CD109: variants seen among roughly 807,000 people sequenced by gnomAD.
CD109 encodes CD109 antigen.
In CD109, 149 loss-of-function variants were observed where a neutral mutation model predicts 165.8. The observed-to-expected ratio is 0.90, with a 90% CI of 0.79 to 1.03. The LOEUF is 1.03. CD109 is among the 50% of genes least tolerant of loss of function. CD109 has a pLI of 0.00. For synonymous variants in CD109, 585 were observed against 592.1 expected (o/e 0.99, Z 0.18); for missense variants, 1,712 against 1,677.8 (o/e 1.02, Z -0.36).
At position 73,772,649 on chromosome 6, in the gene CD109, C is replaced by A. The variant is rs1466045839; in HGVS notation, c.1827+1068C>A. ...ACATCTAGCATTGCATAAATGAATC[C>A]CATATTCATTAGTCATTTGATTTTT... On this transcript the variant is annotated intron_variant, in intron 15 of 32. Coordinates refer to ENST00000287097, the MANE Select transcript of CD109 (RefSeq NM_133493.5). 2.0e-5 allele frequency among the ~76,000 whole-genome samples: 3 copies of A among 151,788 alleles called. No homozygotes were observed. The East Asian group carries it at 5.8e-4, about 29-fold the overall frequency.
At chr6:73,714,933 C>T (rs1484110150) in intron 2 of CD109, among the ~76,000 whole-genome samples, 1 of 152,172 alleles carries the variant, frequency 6.6e-6, no homozygotes, top group Non-Finnish European at 1.5e-5. Flanking sequence ...GGAACTTTTA[C>T]TATAATCAAA....
intron 4 of CD109, among the ~76,000 whole-genome samples, chr6:73,734,141 G>A (rs973914233): frequency 6.6e-6 from 1 of 152,128 alleles, no homozygotes; most frequent in Non-Finnish European, 1.5e-5. Context: ...GTAGACTTCT[G>A]GTGTTTCTGC....
At chr6:73,679,231 G>A in the CD109 span, among the ~76,000 whole-genome samples, 1 of 152,266 alleles carries the variant, frequency 6.6e-6, no homozygotes, top group East Asian at 1.9e-4. Context: ...TGTGAACAAC[G>A]CAGGCTCAGG....
At chr6:73,742,613 G>A (rs1772835118) in intron 5 of CD109, among the ~76,000 whole-genome samples, 2 of 152,226 alleles carry the variant, frequency 1.3e-5, no homozygotes, top group Admixed American at 1.3e-4. Flanking sequence ...GAGCCCGAAA[G>A]AAGAGCCTGA....
rs80067851 is a variant in CD109 at position 73,734,530 on chromosome 6, C to T, written c.508-1853C>T. Reference sequence around the variant, plus strand: ...TCCTGAGCCTTTGAACTTCATAGCCCTCCCATGCGTCATGCTGTGGCAGGC... The same window carrying T: ...TCCTGAGCCTTTGAACTTCATAGCCTTCCCATGCGTCATGCTGTGGCAGGC... On this transcript the variant is annotated intron_variant, in intron 4 of 32. Coordinates refer to ENST00000287097, the MANE Select transcript of CD109 (RefSeq NM_133493.5). Among the ~76,000 whole-genome samples the T allele has an allele frequency of 8.3e-3, 1,260 of 152,312 alleles. 23 individuals carry two copies. Among genetic ancestry groups the T allele is most frequent in the African/African-American group, 0.029 (1,194 of 41,562 alleles).
In CD109 at chr6:73,788,524, T is replaced by G; in HGVS notation, c.2613T>G (p.Asn871Lys). The part of the protein sequence containing the change: ...SQSILLDLTD[N>K]RLQSTLKTLS... ...CCATCTTATTAGACTTGACTGACAA[T>G]AGGCTACAGAGTACCCTGAAAACTT... is the stretch of plus-strand genomic sequence containing the variant. Residue 871 changes from asparagine (N) to lysine (K), a missense_variant, in exon 22 of 33, where the codon AAT becomes AAG. Physicochemically the swap from Asn to Lys is moderately conservative, Grantham distance 94 (BLOSUM62 0). Transcript: ENST00000287097. The G allele has an allele frequency of 6.2e-7, 1 of 1,611,604 alleles. No individual in the cohort carries two copies. The highest frequency in any genetic ancestry group is 1.1e-5 in the South Asian group (1 of 90,562).
intron 3 of CD109, among the ~76,000 whole-genome samples, chr6:73,727,127 C>T (rs1369176480): frequency 6.6e-6 from 1 of 152,158 alleles, no homozygotes; most frequent in Non-Finnish European, 1.5e-5. Context: ...GGTTATAACC[C>T]ACTCCAGATC....
At position 73,811,140 on chromosome 6, in the gene CD109, C is replaced by T. The variant is rs61754903; in HGVS notation, c.3695C>T (p.Thr1232Ile). ...ACACACAACCGCTTACTCCTTCAGA[C>T]AGCAGAGGTGTGGGCAAGGGGCAGT... ...IDTHNRLLLQTAELAVVQPTA... is the reference protein window; with the variant it reads ...IDTHNRLLLQIAELAVVQPTA... Residue 1232 changes from threonine (T) to isoleucine (I), a missense_variant, in exon 28 of 33, where the codon ACA becomes ATA. By Grantham distance (89) the Thr-to-Ile change is moderately conservative. Coordinates refer to ENST00000287097, the MANE Select transcript of CD109 (RefSeq NM_133493.5). The T allele has an allele frequency of 4.4e-3, 7,053 of 1,612,526 alleles. 287 individuals are homozygous for T. In the African/African-American group the frequency reaches 0.082, roughly 19 times the overall value.
chr6:73,799,235 GATA>G (rs1342669020), intron 23 of CD109, among the ~76,000 whole-genome samples: 4 of 152,146 alleles, frequency 2.6e-5, no homozygotes, highest in Non-Finnish European at 2.9e-5. Context: ...CTAGAGTAGT[GATA>G]ATGCCTATCA....
intron 10 of CD109, 59 bp from the exon 11 acceptor site, chr6:73,765,871 C>A (rs1274351060): frequency 8.3e-7 from 1 of 1,204,016 alleles, no homozygotes; most frequent in Non-Finnish European, 1.2e-6. Flanking sequence ...CAGACGGAAA[C>A]TGTATTTAAT....
intron 20 of CD109, among the ~76,000 whole-genome samples, 198 bp downstream of exon 20, chr6:73,785,675 C>G (rs1774661076): frequency 6.6e-6 from 1 of 152,132 alleles, no homozygotes; most frequent in Non-Finnish European, 1.5e-5. Flanking sequence ...CATGTCTACA[C>G]ATTACCTCCT....
chr6:73,699,226 G>A (rs1043305334), intron 2 of CD109, among the ~76,000 whole-genome samples: 1 of 152,250 alleles, frequency 6.6e-6, no homozygotes, highest in Non-Finnish European at 1.5e-5. Flanking sequence ...AGTGGGAAGA[G>A]GGAGGGTATT....
At position 73,704,439 on chromosome 6, in the gene CD109, G is replaced by T. The variant is rs911804623; in HGVS notation, c.247+6867G>T. 2.6e-5 allele frequency among the ~76,000 whole-genome samples: 4 copies of T among 152,278 alleles called. No homozygotes were observed. The East Asian group carries it at 7.7e-4, about 29-fold the overall frequency. ...TAAGCGCTGGTGTTCATTTTCAGCC[G>T]CAGAGAAACATGACTTGGGGTTTGA... On this transcript the variant is annotated intron_variant, in intron 2 of 32. Transcript: ENST00000287097.
At chr6:73,683,864 TTCAC>T in the CD109 span, among the ~76,000 whole-genome samples, 2 of 152,040 alleles carry the variant, frequency 1.3e-5, no homozygotes, top group Non-Finnish European at 2.9e-5. Flanking sequence ...ATGAGATTTA[TTCAC>T]TATCATTAGA....
intron 22 of CD109, 79 bp from the exon 23 acceptor site, chr6:73,792,547 T>G: frequency 8.2e-7 from 1 of 1,217,806 alleles, no homozygotes; most frequent in Admixed American, 1.8e-5. Flanking sequence ...TCTTCTGTAC[T>G]CAGTGGAAGT....
rs181389471 is a variant in CD109, at chr6:73,721,439, G to T, written c.248-1812G>T. Among the ~76,000 whole-genome samples, 930 of 146,900 alleles carry T rather than the reference G, an allele frequency of 6.3e-3. 5 individuals are homozygous for T. The highest frequency in any genetic ancestry group is 0.011 in the Non-Finnish European group (718 of 67,004). The stretch of plus-strand genomic sequence containing the variant: ...GAGTGCAGTGGCACGATCTTGGCTC[G>T]CTGCAAGCTCTGCCTCCTGGGTTCA... On this transcript the variant is annotated intron_variant, in intron 2 of 32. Coordinates refer to ENST00000287097, the MANE Select transcript of CD109 (RefSeq NM_133493.5).
chr6:73,754,776 G>C (rs539522442), intron 5 of CD109, among the ~76,000 whole-genome samples: 1 of 152,270 alleles, frequency 6.6e-6, no homozygotes, highest in South Asian at 2.1e-4. Flanking sequence ...GCTAAGCCCT[G>C]GAAAATGGGG....
chr6:73,802,289 G>GTGTGTATATATATA (rs71542231), intron 23 of CD109, among the ~76,000 whole-genome samples: 8 of 78,206 alleles, frequency 1.0e-4, no homozygotes, highest in East Asian at 3.8e-4. Flanking sequence ...GTGTGTGTGT[G>GTGTGTATATATATA]TATATATATA....
intron 18 of CD109, 24 bp from the exon 19 acceptor site, chr6:73,783,683 T>C: frequency 7.6e-7 from 1 of 1,318,778 alleles, no homozygotes; most frequent in Non-Finnish European, 1.1e-6. Flanking sequence ...TTTGTGATGT[T>C]TATATTTATT....
Sources: gnomAD v4.1 joint callset for allele counts (sites outside exome capture counted in the v4.1 genomes callset) on GRCh38, gnomAD v4.1.1 for gene constraint, MANE v1.5 for transcripts, NCBI Gene and HGNC (gene_info 2026-07-23, HGNC 2026-07-21) for gene names.